The following LTBP1 variants were observed in gnomAD, a reference collection of about 807,000 sequenced individuals.
LTBP1 encodes latent transforming growth factor beta binding protein 1, also known as latent-transforming growth factor beta-binding protein 1.
LTBP1 carries 129 observed loss-of-function variants against 207.6 expected under a neutral mutation model. The observed-to-expected ratio is 0.62, with a 90% CI of 0.54 to 0.72. The LOEUF is 0.72. Ranked by LOEUF, LTBP1 falls within the 30% of genes least tolerant of loss-of-function variation. The probability of loss-of-function intolerance (pLI) is 0.00; values close to 1 mark genes in which losing one functional copy is unlikely to be tolerated. For synonymous variants in LTBP1, 963 were observed against 833.7 expected, an observed-to-expected ratio of 1.16 and a Z score of -2.67; for missense variants, 2,281 against 2,217.2, an observed-to-expected ratio of 1.03 and a Z score of -0.58.
chr2:32,996,355 G>A (rs1326289231), intron 2 of LTBP1, among the ~76,000 whole-genome samples: 1 of 152,082 alleles, frequency 6.6e-6, no homozygotes. Context: ...CCATTCATAA[G>A]GGCTTCATCC....
chr2:33,027,456 A>G (rs1442655467), intron 3 of LTBP1, among the ~76,000 whole-genome samples: 1 of 152,166 alleles, frequency 6.6e-6, no homozygotes, highest in African/African-American at 2.4e-5. Context: ...GATCTCTGTA[A>G]CTTACTCATC....
chr2:33,341,364 A>G (rs2094617868), intron 24 of LTBP1, among the ~76,000 whole-genome samples: 1 of 152,016 alleles, frequency 6.6e-6, no homozygotes, highest in African/African-American at 2.4e-5. Context: ...CCCAGAAAGG[A>G]GAAGGGATGT....
At chr2:33,107,504 C>T (rs1210051630) in intron 3 of LTBP1, among the ~76,000 whole-genome samples, 3 of 151,930 alleles carry the variant, frequency 2.0e-5, no homozygotes, top group African/African-American at 7.2e-5. Context: ...CCTGAGTTCT[C>T]CAGCTTTGTC....
chr2:33,279,866 A>G (rs925580300), intron 18 of LTBP1, among the ~76,000 whole-genome samples, 173 bp from the exon 19 acceptor site: 1 of 152,196 alleles, frequency 6.6e-6, no homozygotes, highest in Admixed American at 6.5e-5. Flanking sequence ...ATGCTTGACC[A>G]TGCATTATTG....
intron 3 of LTBP1, among the ~76,000 whole-genome samples, chr2:33,051,637 A>C (rs886840154): frequency 6.6e-6 from 1 of 152,100 alleles, no homozygotes; most frequent in African/African-American, 2.4e-5. Context: ...CTGATGGCTC[A>C]GTTGCCCTTG....
chr2:33,159,325 G>T (rs1326323370), intron 5 of LTBP1, among the ~76,000 whole-genome samples: 2 of 152,176 alleles, frequency 1.3e-5, no homozygotes, highest in African/African-American at 2.4e-5. Context: ...TGCTTATAAA[G>T]TCAAGGCCCA....
At chr2:33,323,884 A>G (rs933146935) in intron 24 of LTBP1, among the ~76,000 whole-genome samples, 4 of 152,154 alleles carry the variant, frequency 2.6e-5, no homozygotes, top group African/African-American at 9.7e-5. Context: ...TACTGGGTGT[A>G]GTAGTGGCTA....
intron 7 of LTBP1, among the ~76,000 whole-genome samples, chr2:33,193,523 C>G (rs1202130176): frequency 6.6e-6 from 1 of 152,182 alleles, no homozygotes; most frequent in East Asian, 1.9e-4. Context: ...TACAGGCACA[C>G]TTTCTTTTAC....
intron 20 of LTBP1, among the ~76,000 whole-genome samples, chr2:33,295,269 C>T (rs890303658): frequency 3.3e-5 from 5 of 151,710 alleles, no homozygotes; most frequent in African/African-American, 9.7e-5. Flanking sequence ...TACATGTGGC[C>T]GGACACAGCA....
chr2:33,318,518 G>A (rs1025135331), intron 24 of LTBP1, among the ~76,000 whole-genome samples: 1 of 152,146 alleles, frequency 6.6e-6, no homozygotes, highest in Non-Finnish European at 1.5e-5. Context: ...ACACAGCATA[G>A]TTACCCTTTC....
chr2:33,087,029 T>G lies in LTBP1; in HGVS notation c.864-23553T>G, dbSNP rs548062519. Among the ~76,000 whole-genome samples, 4 of 150,884 alleles carry G rather than the reference T, an allele frequency of 2.7e-5. No individual in the cohort carries two copies. In the South Asian group the frequency reaches 8.5e-4, roughly 32 times the overall value. On this transcript the variant is annotated intron_variant, in intron 3 of 33. Coordinates refer to ENST00000404816, the MANE Select transcript of LTBP1 (RefSeq NM_206943.4). ...CTTAGAGTCTTCTTTGGTGTCCAAT[T>G]TCACCAGCATTTCGGATTCTGGACA...
intron 15 of LTBP1, among the ~76,000 whole-genome samples, chr2:33,271,299 AT>A (rs61361062): frequency 8.1e-5 from 12 of 149,028 alleles, no homozygotes; most frequent in South Asian, 6.4e-4. Flanking sequence ...TCACCTTCTA[AT>A]TTTTTTTTTT....
chr2:33,259,617 T>C lies in LTBP1; in HGVS notation c.2418+7T>C. 6.2e-7 allele frequency: 1 copy of C among 1,603,498 alleles called. No homozygotes were observed. Among genetic ancestry groups the C allele is most frequent in the Non-Finnish European group, 8.5e-7 (1 of 1,175,728 alleles). Reference sequence around the variant, plus strand: ...AACTGCACCCCCTGAAAAGGTAATTTATTCATTGCTTGCAAGTCTTTTTTT... The same window carrying C: ...AACTGCACCCCCTGAAAAGGTAATTCATTCATTGCTTGCAAGTCTTTTTTT... On this transcript the variant is annotated splice_region_variant and intron_variant, in intron 13 of 33. Coordinates refer to ENST00000404816, the MANE Select transcript of LTBP1 (RefSeq NM_206943.4).
At chr2:33,151,064 A>G (rs889498522) in intron 5 of LTBP1, among the ~76,000 whole-genome samples, 2 of 152,120 alleles carry the variant, frequency 1.3e-5, no homozygotes, top group African/African-American at 4.8e-5. Context: ...TTCAAGGTTC[A>G]TTCATACTGT....
chr2:33,070,875 G>A (rs1298124996), intron 3 of LTBP1, among the ~76,000 whole-genome samples: 2 of 152,136 alleles, frequency 1.3e-5, no homozygotes, highest in Admixed American at 1.3e-4. Context: ...CGTTGGCCAC[G>A]GGCTATGAGA....
chr2:33,214,438 T>C (rs2090536213), intron 7 of LTBP1, among the ~76,000 whole-genome samples: 1 of 152,186 alleles, frequency 6.6e-6, no homozygotes, highest in Admixed American at 6.5e-5. Context: ...CCTCTTCTTC[T>C]CCCCACTCTG....
At chr2:33,251,754 A>G (rs967825218) in intron 10 of LTBP1, among the ~76,000 whole-genome samples, 10 of 151,280 alleles carry the variant, frequency 6.6e-5, no homozygotes, top group Admixed American at 2.0e-4. Context: ...GATATGATAG[A>G]GAAGAGCTTT....
At chr2:32,976,689 G>T (rs955027551) in intron 2 of LTBP1, among the ~76,000 whole-genome samples, 1 of 152,146 alleles carries the variant, frequency 6.6e-6, no homozygotes, top group African/African-American at 2.4e-5. Flanking sequence ...AGGAGTTCTG[G>T]TTCATGAGGA....
intron 19 of LTBP1, among the ~76,000 whole-genome samples, chr2:33,281,665 C>T (rs886750409): frequency 6.6e-5 from 10 of 152,118 alleles, no homozygotes; most frequent in African/African-American, 2.4e-4. Context: ...GTGTCCTGAG[C>T]CCCTAGGCCC....
Sources: allele counts gnomAD v4.1 joint callset (sites outside exome capture counted in the v4.1 genomes callset), GRCh38; gene constraint gnomAD v4.1.1; transcripts MANE v1.5; gene names NCBI Gene and HGNC (gene_info 2026-07-23, HGNC 2026-07-21).